Variants in TRIM51G observed in about 807,000 individuals in gnomAD.
TRIM51G encodes tripartite motif-containing protein 51G.
chr11:48,978,837 C>G, the TRIM51G span: 39 of 960,188 alleles, frequency 4.1e-5, no homozygotes, highest in Non-Finnish European at 6.1e-5. Flanking sequence ...CCACTTGAAT[C>G]TTCAACATCA....
chr11:48,976,461 G>C, the TRIM51G span, among the ~76,000 whole-genome samples: 1 of 152,084 alleles, frequency 6.6e-6, no homozygotes, highest in East Asian at 1.9e-4. Context: ...GTAACTTAAG[G>C]CAGATTTTTG....
chr11:48,979,265 T>A, the TRIM51G span, among the ~76,000 whole-genome samples: 27 of 152,304 alleles, frequency 1.8e-4, no homozygotes, highest in African/African-American at 6.5e-4. Flanking sequence ...AATATCAACA[T>A]AGTTGTTTCT....
At chr11:48,981,507 G>T in the TRIM51G span, 1 of 1,605,780 alleles carries the variant, frequency 6.2e-7, no homozygotes, top group Non-Finnish European at 8.5e-7. Context: ...TAGTTTTGAG[G>T]TTTCTCTGCC....
chr11:48,977,889 CTCTT>C, the TRIM51G span, among the ~76,000 whole-genome samples: 4 of 122,694 alleles, frequency 3.3e-5, no homozygotes, highest in East Asian at 4.4e-4. Context: ...ATTTTTTGTT[CTCTT>C]TCTTTTTTAT....
chr11:48,977,978 T>C, the TRIM51G span, among the ~76,000 whole-genome samples: 5 of 151,928 alleles, frequency 3.3e-5, no homozygotes, highest in Non-Finnish European at 5.9e-5. Context: ...TCACTGAGTA[T>C]GGCAACAAAA....
chr11:48,978,854 C>A, the TRIM51G span: 1 of 1,095,726 alleles, frequency 9.1e-7, no homozygotes, highest in Non-Finnish European at 1.4e-6. Flanking sequence ...ATCATGATAA[C>A]CCATGGTCAG....
the TRIM51G span, among the ~76,000 whole-genome samples, chr11:48,978,380 T>C: frequency 6.6e-6 from 1 of 152,058 alleles, no homozygotes; most frequent in Non-Finnish European, 1.5e-5. Context: ...TTTTTACAAG[T>C]GAAGGGAGAG....
the TRIM51G span, among the ~76,000 whole-genome samples, chr11:48,982,950 T>G: frequency 2.6e-4 from 2 of 7,812 alleles, no homozygotes; most frequent in African/African-American, 3.5e-4. Context: ...ATTTTTGGTA[T>G]ATATACATAT....
chr11:48,975,585 A>C, the TRIM51G span: 62 of 1,386,704 alleles, frequency 4.5e-5, no homozygotes, highest in Non-Finnish European at 5.8e-5. Flanking sequence ...TTCTATCCAC[A>C]TCAACAAAGC....
the TRIM51G span, among the ~76,000 whole-genome samples, chr11:48,979,906 T>C: frequency 6.6e-6 from 1 of 151,754 alleles, no homozygotes; most frequent in Non-Finnish European, 1.5e-5. Flanking sequence ...TATTTGCTCC[T>C]GATCAAGGTT....
the TRIM51G span, among the ~76,000 whole-genome samples, chr11:48,980,340 C>A: frequency 6.6e-6 from 1 of 152,206 alleles, no homozygotes; most frequent in African/African-American, 2.4e-5. Context: ...TCCCATATTT[C>A]TCACATATTT....
chr11:48,978,132 A>C, the TRIM51G span: 4 of 524,090 alleles, frequency 7.6e-6, no homozygotes, highest in Non-Finnish European at 1.2e-5. Context: ...CTTGGTATGT[A>C]CTCACCTTTG....
At chr11:48,981,095 G>A in the TRIM51G span, 1 of 993,388 alleles carries the variant, frequency 1.0e-6, no homozygotes, top group South Asian at 1.5e-5. Context: ...AGACAAATTA[G>A]CCCACAGAAA....
the TRIM51G span, among the ~76,000 whole-genome samples, chr11:48,979,925 C>G: frequency 6.6e-6 from 1 of 151,706 alleles, no homozygotes; most frequent in Non-Finnish European, 1.5e-5. Context: ...TTTTGCTTCT[C>G]TGTGAATTTT....
At chr11:48,978,427 A>G in the TRIM51G span, among the ~76,000 whole-genome samples, 3 of 152,136 alleles carry the variant, frequency 2.0e-5, no homozygotes, top group African/African-American at 4.8e-5. Context: ...GTAACCATGA[A>G]GAAGCTACTC....
chr11:48,975,721 A>C, the TRIM51G span: 4 of 1,553,272 alleles, frequency 2.6e-6, no homozygotes, highest in South Asian at 4.5e-5. Flanking sequence ...ACATCCAAGA[A>C]GAAAGAGTCC....
At chr11:48,981,001 C>G in the TRIM51G span, 1 of 581,994 alleles carries the variant, frequency 1.7e-6, no homozygotes, top group South Asian at 1.5e-5. Context: ...AGGAGCTCCT[C>G]CTGCAAAAGA....
At chr11:48,977,850 C>T in the TRIM51G span, among the ~76,000 whole-genome samples, 1 of 151,834 alleles carries the variant, frequency 6.6e-6, no homozygotes, top group Admixed American at 6.6e-5. Flanking sequence ...AATAGAGATG[C>T]TCACTTCCTT....
At chr11:48,975,988 G>A in the TRIM51G span, 3 of 666,404 alleles carry the variant, frequency 4.5e-6, no homozygotes, top group Admixed American at 5.6e-5. Flanking sequence ...ATGCTGCAGA[G>A]TAAGATAAAC....
Sources: allele counts gnomAD v4.1 joint callset (sites outside exome capture counted in the v4.1 genomes callset), GRCh38; gene constraint gnomAD v4.1.1; transcripts MANE v1.5; gene names NCBI Gene and HGNC (gene_info 2026-07-23, HGNC 2026-07-21).